Variants in RARB observed in about 807,000 individuals in gnomAD.
RARB encodes the protein retinoic acid receptor beta.
A neutral mutation model predicts 51.9 loss-of-function variants in RARB; 17 were observed. The observed-to-expected ratio is 0.33, with a 90% confidence interval of 0.22 to 0.49. The LOEUF is 0.49. RARB is among the 20% of genes least tolerant of loss of function. RARB has a pLI of 0.99. For missense variants in RARB, 369 were observed against 550.8 expected (o/e 0.67, Z 3.30); for synonymous variants, 215 against 195.4 (o/e 1.10, Z -0.84).
At chr3:24,983,856 C>A (rs1696730304) in intron 2 of RARB, among the ~76,000 whole-genome samples, 1 of 151,526 alleles carries the variant, frequency 6.6e-6, no homozygotes, top group Admixed American at 6.6e-5. Context: ...ATATAAGATA[C>A]TAAAAACATG....
At chr3:25,381,968 A>G (rs961561711) in intron 5 of RARB, among the ~76,000 whole-genome samples, 16 of 152,186 alleles carry the variant, frequency 1.1e-4, no homozygotes, top group Middle Eastern at 3.4e-3. Context: ...CACCACTACC[A>G]CCAGCAACAC....
intron 3 of RARB, among the ~76,000 whole-genome samples, chr3:25,087,218 G>T (rs1699120468): frequency 6.6e-6 from 1 of 152,136 alleles, no homozygotes; most frequent in African/African-American, 2.4e-5. Context: ...AGGCCTGTCT[G>T]ACCACCTATT....
At chr3:25,190,038 A>G (rs542118140) in intron 5 of RARB, among the ~76,000 whole-genome samples, 1 of 152,108 alleles carries the variant, frequency 6.6e-6, no homozygotes, top group Admixed American at 6.6e-5. Flanking sequence ...ATAGAGCCTC[A>G]GTTAAGCCCA....
rs554280838 is a variant in RARB at position 25,298,238 on chromosome 3, A to G, written c.178+123663A>G. Among the ~76,000 whole-genome samples the G allele has an allele frequency of 6.7e-5, 10 of 149,508 alleles. No homozygotes were observed. In the South Asian group the frequency reaches 2.1e-3, roughly 32 times the overall value. ...CGCTCTGTCACCCAGGCTGAAGTGC[A>G]GTGGTGCGATCTTGGCTCACTGCAA... is the stretch of plus-strand genomic sequence containing the variant. On this transcript the variant is annotated intron_variant, in intron 5 of 11. Transcript: ENST00000383772.
rs1361939736 is a variant in RARB, at chr3:25,286,167, C to A, written c.178+111592C>A. Among the ~76,000 whole-genome samples the A allele has an allele frequency of 5.1e-5, 7 of 137,018 alleles. No homozygotes were observed. The South Asian group carries it at 1.4e-3, about 27-fold the overall frequency. The allele number at this position is 137,018 out of a possible 152,430, so 89.9% of individuals were successfully genotyped here. On this transcript the variant is annotated intron_variant, in intron 5 of 11. Coordinates refer to the RARB transcript ENST00000383772. ...GCAGTGGCATGATCTCAGCTCACTG[C>A]AAGCTCCATCTCCCGGGTTCACGCC...
At chr3:25,063,807 G>A (rs893364761) in intron 3 of RARB, among the ~76,000 whole-genome samples, 36 of 151,562 alleles carry the variant, frequency 2.4e-4, no homozygotes, top group African/African-American at 8.5e-4. Flanking sequence ...TCAGCTTCAA[G>A]ATAAGAAAAG....
Position 25,483,691 on chromosome 3 carries a change from G to C in RARB, c.307-17491G>C, listed in dbSNP as rs1575447370. Among the ~76,000 whole-genome samples the C allele has an allele frequency of 3.3e-5, 5 of 152,278 alleles. 1 individual carries two copies. The highest frequency in any genetic ancestry group is 3.3e-4 in the Admixed American group (5 of 15,302). On this transcript the variant is annotated intron_variant, in intron 2 of 7. Coordinates refer to ENST00000330688, the MANE Select transcript of RARB (RefSeq NM_000965.5). ...CCAGAGATAAGAGCAAGGGAGACTG[G>C]AGGATGTGATTATGAGTAAAACTTC...
At chr3:25,517,198 T>G (rs1178953967) in intron 3 of RARB, among the ~76,000 whole-genome samples, 1 of 152,182 alleles carries the variant, frequency 6.6e-6, no homozygotes. Flanking sequence ...TAGGAAACCC[T>G]CACCCTCTTT....
At chr3:25,266,343 C>T (rs1295801014) in intron 5 of RARB, among the ~76,000 whole-genome samples, 1 of 152,108 alleles carries the variant, frequency 6.6e-6, no homozygotes, top group Non-Finnish European at 1.5e-5. Context: ...ACTATGCAGG[C>T]ATCCTTTCTA....
At chr3:25,453,538 C>T (rs545392990) in intron 1 of RARB, among the ~76,000 whole-genome samples, 2 of 152,054 alleles carry the variant, frequency 1.3e-5, no homozygotes, top group South Asian at 2.1e-4. Context: ...CCACTGTGCC[C>T]GGCCAAGATT....
chr3:25,230,840 A>AT (rs1702160720), intron 5 of RARB, among the ~76,000 whole-genome samples: 1 of 152,158 alleles, frequency 6.6e-6, no homozygotes, highest in Non-Finnish European at 1.5e-5. Context: ...CAATAATAAA[A>AT]TGTAGCTAAT....
chr3:25,313,525 C>G, intron 5 of RARB, among the ~76,000 whole-genome samples: 1 of 152,132 alleles, frequency 6.6e-6, no homozygotes, highest in Non-Finnish European at 1.5e-5. Flanking sequence ...CCTGGCCCTT[C>G]CAGAGATTTT....
chr3:25,092,310 C>T (rs961121166), intron 3 of RARB, among the ~76,000 whole-genome samples: 1 of 152,122 alleles, frequency 6.6e-6, no homozygotes, highest in African/African-American at 2.4e-5. Context: ...CTCAAAATGC[C>T]TTTTTCTCTT....
intron 5 of RARB, among the ~76,000 whole-genome samples, chr3:25,393,567 T>C (rs868215111): frequency 3.3e-4 from 50 of 152,126 alleles, no homozygotes; most frequent in Non-Finnish European, 3.7e-4. Context: ...TTCTCACTGC[T>C]TGTTATTGTT....
chr3:24,972,355 G>A (rs1208720549), intron 2 of RARB, among the ~76,000 whole-genome samples: 2 of 151,908 alleles, frequency 1.3e-5, no homozygotes, highest in Non-Finnish European at 2.9e-5. Flanking sequence ...TCCATTGTGT[G>A]TATATACTGT....
intron 5 of RARB, among the ~76,000 whole-genome samples, chr3:25,273,208 G>T (rs1245792388): frequency 2.0e-5 from 3 of 152,146 alleles, no homozygotes; most frequent in African/African-American, 7.2e-5. Context: ...CATATTAAGT[G>T]CAGAATCATT....
At chr3:25,134,084 G>A (rs1321927924) in intron 4 of RARB, among the ~76,000 whole-genome samples, 1 of 151,696 alleles carries the variant, frequency 6.6e-6, no homozygotes, top group African/African-American at 2.4e-5. Context: ...CAAAGTTAGA[G>A]AAGTAAACTA....
At chr3:24,838,310 A>T (rs927563388) in intron 1 of RARB, among the ~76,000 whole-genome samples, 12 of 152,102 alleles carry the variant, frequency 7.9e-5, no homozygotes, top group Admixed American at 6.6e-5. Flanking sequence ...TCCTTTTTTA[A>T]GGTCAATTGA....
chr3:25,353,994 T>C (rs1040706937), intron 5 of RARB, among the ~76,000 whole-genome samples: 1 of 152,074 alleles, frequency 6.6e-6, no homozygotes, highest in South Asian at 2.1e-4. Context: ...TTCATAGTTT[T>C]TGTGGGATTC....
Sources: allele counts gnomAD v4.1 joint callset (sites outside exome capture counted in the v4.1 genomes callset), GRCh38; gene constraint gnomAD v4.1.1; transcripts MANE v1.5; gene names NCBI Gene and HGNC (gene_info 2026-07-23, HGNC 2026-07-21).